IQGAP3: variants seen among roughly 807,000 people sequenced by gnomAD.
IQGAP3 encodes ras GTPase-activating-like protein IQGAP3.
IQGAP3 carries 165 observed loss-of-function variants against 208.2 expected under a neutral mutation model. The observed-to-expected ratio is 0.79, with a 90% CI of 0.70 to 0.90. The LOEUF is 0.90. IQGAP3 is among the 40% of genes least tolerant of loss of function. The probability of loss-of-function intolerance (pLI) is 0.00; values close to 1 mark genes in which losing one functional copy is unlikely to be tolerated. For synonymous variants in IQGAP3, 703 were observed against 803.6 expected (o/e 0.87, Z 2.12); for missense variants, 1,811 against 2,043.1 (o/e 0.89, Z 2.19).
intron 11 of IQGAP3, among the ~76,000 whole-genome samples, chr1:156,560,209 T>C (rs1676081239): frequency 6.6e-6 from 1 of 152,126 alleles, no homozygotes; most frequent in Non-Finnish European, 1.5e-5. Context: ...CACATTCTTG[T>C]AATAAATAAT....
At position 156,561,833 on chromosome 1, in the gene IQGAP3, C is replaced by T. The variant is rs867252984; in HGVS notation, c.1041+5G>A. ...GGGGGTGGCAGGTAATAGACAGAGGCTAACCTGTGCCTTCTGCTCTCTGTC... is the reference window on the plus strand; with the variant it reads ...GGGGGTGGCAGGTAATAGACAGAGGTTAACCTGTGCCTTCTGCTCTCTGTC... On this transcript the variant is annotated splice_donor_5th_base_variant and intron_variant, in intron 10 of 37. Coordinates refer to ENST00000361170, the MANE Select transcript of IQGAP3 (RefSeq NM_178229.5). 2 of 1,613,754 alleles carry T rather than the reference C, an allele frequency of 1.2e-6. No homozygotes were observed. Among genetic ancestry groups the T allele is most frequent in the Middle Eastern group, 1.6e-4 (1 of 6,062 alleles).
In IQGAP3 at chr1:156,548,758, G is replaced by A; in HGVS notation, c.1826-10C>T. 1.3e-6 allele frequency: 2 copies of A among 1,554,960 alleles called. No individual in the cohort carries two copies. Among genetic ancestry groups the A allele is most frequent in the Non-Finnish European group, 1.7e-6 (2 of 1,149,338 alleles). On this transcript the variant is annotated splice_polypyrimidine_tract_variant and intron_variant, in intron 16 of 37. Transcript: ENST00000361170. ...GCCACACCAAGAGCCACTGACAGGG[G>A]CATCAGGAGAGAGCAGTCAATCCTT...
chr1:156,565,341 G>A (rs1174832212), intron 4 of IQGAP3, among the ~76,000 whole-genome samples: 3 of 152,216 alleles, frequency 2.0e-5, no homozygotes, highest in Non-Finnish European at 4.4e-5. Context: ...GAGACCTAGA[G>A]TGTTCCAGTC....
intron 6 of IQGAP3, 42 bp from the exon 7 acceptor site, chr1:156,563,708 C>T (rs1332535215): frequency 1.2e-6 from 2 of 1,609,558 alleles, no homozygotes; most frequent in Admixed American, 3.3e-5. Context: ...GCCCAGAACC[C>T]CCAAGACCCT....
At chr1:156,552,672 C>A (rs1675611812) in intron 13 of IQGAP3, among the ~76,000 whole-genome samples, 1 of 152,240 alleles carries the variant, frequency 6.6e-6, no homozygotes, top group Non-Finnish European at 1.5e-5. Context: ...GCCAAGCCCC[C>A]ATCATCTCTT....
chr1:156,548,786 C>G (rs779928100), intron 16 of IQGAP3, 38 bp from the exon 17 acceptor site: 2 of 1,513,286 alleles, frequency 1.3e-6, no homozygotes, highest in Non-Finnish European at 1.8e-6. Context: ...CAATCCTTCC[C>G]CCGAGTCCCT....
In IQGAP3 at chr1:156,555,773, G is replaced by A. The variant is rs369066895; in HGVS notation, c.1290+760C>T. Among the ~76,000 whole-genome samples the A allele has an allele frequency of 1.2e-4, 19 of 152,312 alleles. No homozygotes were observed. In the South Asian group the frequency reaches 3.9e-3, roughly 32 times the overall value. On this transcript the variant is annotated intron_variant, in intron 12 of 37. Transcript: ENST00000361170. ...TGTCACATAGCTAAGAAGTAGCAGA[G>A]CCAGATTTGAACTCACGCAGCCTGG...
chr1:156,544,384 G>T lies in IQGAP3; in HGVS notation c.2388+5C>A, dbSNP rs369575479. On this transcript the variant is annotated splice_donor_5th_base_variant and intron_variant, in intron 20 of 37. Transcript: ENST00000361170. ...AAAGGAGCCTGCCAAAACCACCGTA[G>T]CTACCTTGATTATGGCATCCAGGTT... is the stretch of plus-strand genomic sequence containing the variant. 6.2e-6 allele frequency: 10 copies of T among 1,610,352 alleles called. No homozygotes were observed. Among genetic ancestry groups the T allele is most frequent in the African/African-American group, 1.3e-5 (1 of 74,830 alleles).
chr1:156,545,387 A>G (rs1264123181), intron 19 of IQGAP3, among the ~76,000 whole-genome samples: 1 of 151,902 alleles, frequency 6.6e-6, no homozygotes, highest in African/African-American at 2.4e-5. Context: ...ACTGGTCCCC[A>G]CCTTCTTAAG....
At position 156,551,788 on chromosome 1, in the gene IQGAP3, C is replaced by A; in HGVS notation, c.1651G>T (p.Ala551Ser). Residue 551 changes from alanine (A) to serine (S), a missense_variant, in exon 15 of 38, where the codon GCA becomes TCA. Coordinates refer to ENST00000361170, the MANE Select transcript of IQGAP3 (RefSeq NM_178229.5). The part of the protein sequence containing the change: ...EKTLSALLLP[A>S]AGLDDVSLPV... The stretch of plus-strand genomic sequence containing the variant: ...AGGCTGACATCATCTAGGCCAGCTG[C>A]AGGAAGCAGTAGGGCAGACAGAGTC... The A allele has an allele frequency of 6.2e-7, 1 of 1,614,068 alleles. No individual in the cohort carries two copies. Among genetic ancestry groups the A allele is most frequent in the Non-Finnish European group, 8.5e-7 (1 of 1,180,004 alleles).
intron 19 of IQGAP3, among the ~76,000 whole-genome samples, chr1:156,547,161 A>G (rs1038976189): frequency 3.9e-5 from 6 of 152,138 alleles, no homozygotes; most frequent in Non-Finnish European, 8.8e-5. Context: ...TACCAGCCTC[A>G]TGTCTCAATT....
intron 27 of IQGAP3, among the ~76,000 whole-genome samples, chr1:156,536,507 G>A (rs984475248): frequency 1.3e-5 from 2 of 152,112 alleles, no homozygotes; most frequent in Non-Finnish European, 2.9e-5. Flanking sequence ...GGGAGAGGTT[G>A]GTCAATGGGT....
chr1:156,532,723 T>A (rs1244855194), intron 32 of IQGAP3, among the ~76,000 whole-genome samples: 3 of 151,980 alleles, frequency 2.0e-5, no homozygotes, highest in Non-Finnish European at 4.4e-5. Context: ...AACAGCACGA[T>A]ATGCAAACAC....
chr1:156,530,251 G>T lies in IQGAP3; in HGVS notation c.4258C>A (p.Arg1420=). The change falls in exon 34 of 38, where the codon CGA becomes AGA. Residue 1420 remains arginine, a synonymous_variant. Transcript: ENST00000361170. ...TGAGCTGTCAGTGAGCGGTGTCGTC[G>T]CAGTGGCTCCGGTGTCTGGGCTGTA... ...ACTAQTPEPL[R]RHRSLTAHSL... is the part of the protein sequence containing the mutation. 1.2e-6 allele frequency: 2 copies of T among 1,612,692 alleles called. No individual in the cohort carries two copies. Among genetic ancestry groups the T allele is most frequent in the Non-Finnish European group, 1.7e-6 (2 of 1,179,954 alleles).
At chr1:156,533,281 T>C (rs1438814789) in intron 31 of IQGAP3, among the ~76,000 whole-genome samples, 175 bp from the exon 32 acceptor site, 1 of 152,096 alleles carries the variant, frequency 6.6e-6, no homozygotes, top group East Asian at 1.9e-4. Context: ...CCCCAACCCT[T>C]AGCACCGATG....
Position 156,526,395 on chromosome 1 carries a change from T to A in IQGAP3, c.*91A>T. 4 of 860,236 alleles carry A rather than the reference T, an allele frequency of 4.6e-6. No individual in the cohort carries two copies. The highest frequency in any genetic ancestry group is 7.8e-6 in the Non-Finnish European group (4 of 510,616). 53.3% of individuals were successfully genotyped at this position (860,236 alleles called of 1,614,324 possible). A position where few individuals can be genotyped will look rare whatever the true frequency, so the allele number is the denominator to read the frequency against. On this transcript the variant is annotated 3_prime_UTR_variant, in exon 38 of 38. Transcript: ENST00000361170. ...CTGGGCCTTGCCCAGTCCTGAGCTC[T>A]AGGTGTCTGCAGGGAAGCACAGTGG...
chr1:156,560,396 A>G (rs1236633735), intron 11 of IQGAP3, among the ~76,000 whole-genome samples: 1 of 152,172 alleles, frequency 6.6e-6, no homozygotes, highest in Non-Finnish European at 1.5e-5. Context: ...CTGTCAACCC[A>G]GCTACTCGGG....
rs1295124283 is a variant in IQGAP3 at position 156,569,482 on chromosome 1, T to C, written c.38-19A>G. ...CGTTCATCTGAGGAGTTAAACGGGA[T>C]AAGGTCAATGAAGAGAGCATTAGAG... On this transcript the variant is annotated intron_variant, in intron 1 of 37. Transcript: ENST00000361170. The C allele has an allele frequency of 2.0e-6, 3 of 1,500,058 alleles. No individual in the cohort carries two copies. The highest frequency in any genetic ancestry group is 3.5e-5 in the Admixed American group (2 of 57,106). The allele number at this position is 1,500,058 out of a possible 1,614,324, so 92.9% of individuals were successfully genotyped here.
intron 35 of IQGAP3, 63 bp downstream of exon 35, chr1:156,528,853 G>T: frequency 6.3e-7 from 1 of 1,576,500 alleles, no homozygotes; most frequent in Non-Finnish European, 8.7e-7. Context: ...GCAGGGCAAA[G>T]GTGACATGGG....
Sources: gnomAD v4.1 joint callset for allele counts (sites outside exome capture counted in the v4.1 genomes callset) on GRCh38, gnomAD v4.1.1 for gene constraint, MANE v1.5 for transcripts, NCBI Gene and HGNC (gene_info 2026-07-23, HGNC 2026-07-21) for gene names.